The following FSTL4 variants were observed in gnomAD, a reference collection of about 807,000 sequenced individuals.
FSTL4 encodes follistatin like 4, also known as follistatin-related protein 4.
A neutral mutation model predicts 78.2 loss-of-function variants in FSTL4; 28 were observed. The ratio of observed to expected loss-of-function variants is 0.36; its 90% CI spans 0.27 to 0.49. The LOEUF is 0.49. FSTL4 is among the 20% of genes least tolerant of loss of function. The probability of loss-of-function intolerance (pLI) is 0.98; values close to 1 mark genes in which losing one functional copy is unlikely to be tolerated. For missense variants in FSTL4, 922 were observed against 1,084.9 expected, an observed-to-expected ratio of 0.85 and a Z score of 2.11; for synonymous variants, 422 against 440.5, an observed-to-expected ratio of 0.96 and a Z score of 0.53.
At chr5:133,379,175 A>G (rs1295948485) in intron 4 of FSTL4, among the ~76,000 whole-genome samples, 1 of 152,168 alleles carries the variant, frequency 6.6e-6, no homozygotes, top group Non-Finnish European at 1.5e-5. Context: ...TTATATAAAC[A>G]GATAATAATA....
intron 2 of FSTL4, among the ~76,000 whole-genome samples, chr5:133,598,831 C>G (rs1292863885): frequency 6.6e-6 from 1 of 152,188 alleles, no homozygotes; most frequent in African/African-American, 2.4e-5. Flanking sequence ...GTGAGTATCA[C>G]AAGGGTGATG....
the FSTL4 span, among the ~76,000 whole-genome samples, chr5:133,694,476 G>A: frequency 6.6e-6 from 1 of 152,374 alleles, no homozygotes; most frequent in South Asian, 2.1e-4. Context: ...AGGTGCTAGG[G>A]CACCGTGGAC....
At chr5:133,708,630 A>G in the FSTL4 span, among the ~76,000 whole-genome samples, 115 of 152,130 alleles carry the variant, frequency 7.6e-4, no homozygotes, top group Admixed American at 1.6e-3. Context: ...GACAGTCACA[A>G]CCCCGGCCAT....
At chr5:133,331,754 C>T (rs1219561060) in intron 4 of FSTL4, among the ~76,000 whole-genome samples, 1 of 152,130 alleles carries the variant, frequency 6.6e-6, no homozygotes, top group Non-Finnish European at 1.5e-5. Context: ...CAAAATAAAA[C>T]AAAACTCCAC....
At chr5:133,725,638 T>C in the FSTL4 span, among the ~76,000 whole-genome samples, 12 of 152,146 alleles carry the variant, frequency 7.9e-5, no homozygotes, top group African/African-American at 2.7e-4. Context: ...TGGAGGGTGG[T>C]AATAAAACGT....
At chr5:133,783,073 G>A in the FSTL4 span, among the ~76,000 whole-genome samples, 12 of 152,122 alleles carry the variant, frequency 7.9e-5, no homozygotes, top group Admixed American at 5.9e-4. Context: ...TTTACATTTC[G>A]TGAAGTGATT....
At chr5:133,707,723 T>G in the FSTL4 span, among the ~76,000 whole-genome samples, 16 of 152,160 alleles carry the variant, frequency 1.1e-4, no homozygotes, top group South Asian at 3.3e-3. Context: ...TGGTAAAGTT[T>G]GTAAGGCCCC....
intron 8 of FSTL4, among the ~76,000 whole-genome samples, chr5:133,226,233 G>C (rs532127369): frequency 6.6e-6 from 1 of 152,334 alleles, no homozygotes; most frequent in East Asian, 1.9e-4. Flanking sequence ...GTATCAGAAA[G>C]CACTTATGGC....
intron 6 of FSTL4, among the ~76,000 whole-genome samples, chr5:133,252,470 T>C (rs1752281537): frequency 6.6e-6 from 1 of 152,158 alleles, no homozygotes; most frequent in Non-Finnish European, 1.5e-5. Flanking sequence ...GTGGGCTGGA[T>C]GGACATCCAG....
chr5:133,518,200 A>G (rs1758903634), intron 3 of FSTL4, among the ~76,000 whole-genome samples: 1 of 152,254 alleles, frequency 6.6e-6, no homozygotes, highest in African/African-American at 2.4e-5. Context: ...CCTACCATAA[A>G]CAAAAGACAA....
At position 133,210,469 on chromosome 5, in the gene FSTL4, CATTATTATTATTATT is replaced by C. The variant is rs72224529; in HGVS notation, c.1609-186_1609-172del. Among the ~76,000 whole-genome samples the C allele has an allele frequency of 2.7e-3, 396 of 145,498 alleles. 7 individuals carry two copies. Among genetic ancestry groups the C allele is most frequent in the South Asian group, 3.2e-3 (15 of 4,616 alleles). On this transcript the variant is annotated intron_variant, in intron 13 of 15. Coordinates refer to ENST00000265342, the MANE Select transcript of FSTL4 (RefSeq NM_015082.2). ...TCCCCTCTGTCTTTTTTCTCAGAGGCATTATTATTATTATTATTATTATTATTATTATTAATTTTT... is the reference window on the plus strand; with the variant it reads ...TCCCCTCTGTCTTTTTTCTCAGAGGCATTATTATTATTATTATTAATTTTT...
At chr5:133,772,627 C>T in the FSTL4 span, among the ~76,000 whole-genome samples, 3 of 152,072 alleles carry the variant, frequency 2.0e-5, no homozygotes, top group Non-Finnish European at 4.4e-5. Context: ...TGTGTCATTC[C>T]ATGGAGGAAG....
intron 4 of FSTL4, chr5:133,388,390 C>G (rs1242106065): frequency 6.6e-6 from 1 of 152,230 alleles, no homozygotes; most frequent in Non-Finnish European, 1.5e-5. Flanking sequence ...CCCCAAAATT[C>G]TACCAATGTT....
At chr5:133,792,538 A>G in the FSTL4 span, among the ~76,000 whole-genome samples, 6 of 152,206 alleles carry the variant, frequency 3.9e-5, no homozygotes, top group African/African-American at 1.4e-4. Flanking sequence ...ATGCACATCC[A>G]TGTAGAAATT....
chr5:133,435,628 G>A (rs1372104200), intron 3 of FSTL4, among the ~76,000 whole-genome samples: 2 of 152,172 alleles, frequency 1.3e-5, no homozygotes, highest in Non-Finnish European at 2.9e-5. Context: ...TTGAAATGCT[G>A]TGTTAGGTTA....
chr5:133,824,922 G>A, the FSTL4 span, among the ~76,000 whole-genome samples: 19 of 151,948 alleles, frequency 1.3e-4, 1 homozygote, highest in East Asian at 3.7e-3. Flanking sequence ...AAATCACAGC[G>A]TGAATCCCCT....
intron 5 of FSTL4, among the ~76,000 whole-genome samples, chr5:133,314,850 C>G (rs988319612): frequency 2.6e-5 from 4 of 152,166 alleles, no homozygotes; most frequent in Non-Finnish European, 4.4e-5. Context: ...GGCAACAATA[C>G]TGATGACCTC....
At chr5:133,699,604 G>A in the FSTL4 span, among the ~76,000 whole-genome samples, 2 of 152,234 alleles carry the variant, frequency 1.3e-5, no homozygotes, top group African/African-American at 2.4e-5. Context: ...TGCCATGGCC[G>A]GGCGCGGTGG....
intron 7 of FSTL4, among the ~76,000 whole-genome samples, chr5:133,237,316 T>G (rs1344997589): frequency 6.6e-6 from 1 of 152,200 alleles, no homozygotes; most frequent in Non-Finnish European, 1.5e-5. Context: ...CCATCGCGCA[T>G]GGATTCCCAC....
Sources: gnomAD v4.1 joint callset for allele counts (sites outside exome capture counted in the v4.1 genomes callset) on GRCh38, gnomAD v4.1.1 for gene constraint, MANE v1.5 for transcripts, NCBI Gene and HGNC (gene_info 2026-07-23, HGNC 2026-07-21) for gene names.